Variants in CNTLN observed in about 807,000 individuals in gnomAD.
CNTLN encodes centlein, centrosomal protein.
A neutral mutation model predicts 180.0 loss-of-function variants in CNTLN; 212 were observed. The observed-to-expected ratio is 1.18, with a 90% CI of 1.05 to 1.32. The LOEUF (loss-of-function observed/expected upper bound fraction) is 1.32. CNTLN is among the 40% of genes most tolerant of loss of function. CNTLN has a pLI of 0.00. For missense variants in CNTLN, 2,095 were observed against 1,610.9 expected, an observed-to-expected ratio of 1.30 and a Z score of -5.14; for synonymous variants, 722 against 563.1, an observed-to-expected ratio of 1.28 and a Z score of -3.99.
At position 17,318,908 on chromosome 9, in the gene CNTLN, C is replaced by T. The variant is rs139066634; in HGVS notation, c.1341+9656C>T. On this transcript the variant is annotated intron_variant, in intron 8 of 25. Transcript: ENST00000380647. ...ACCTTCATTTATTCAGTTATGTAGG[C>T]AATATTTATTAAAATCCCATTGTAT... Among the ~76,000 whole-genome samples the T allele has an allele frequency of 2.4e-4, 37 of 152,112 alleles. 1 individual carries two copies. The East Asian group carries it at 6.8e-3, about 28-fold the overall frequency.
Position 17,394,958 on chromosome 9 carries a change from A to G in CNTLN, c.2504A>G (p.Lys835Arg). 6.2e-7 allele frequency: 1 copy of G among 1,614,102 alleles called. No homozygotes were observed. Among genetic ancestry groups the G allele is most frequent in the Non-Finnish European group, 8.5e-7 (1 of 1,179,966 alleles). ...AAGGTTAAATTTAAAGCTGCGAAGAAAAATTGCTCTGTGGGTCGTCACCAC... is the reference window on the plus strand; with the variant it reads ...AAGGTTAAATTTAAAGCTGCGAAGAGAAATTGCTCTGTGGGTCGTCACCAC... Reference protein sequence around the residue: ...MTKVKFKAAKKNCSVGRHHTV... With the variant: ...MTKVKFKAAKRNCSVGRHHTV... Residue 835 changes from lysine to arginine, a missense_variant, in exon 15 of 26, where the codon AAA becomes AGA. Transcript: ENST00000380647.
intron 18 of CNTLN, among the ~76,000 whole-genome samples, chr9:17,452,316 G>C (rs10963106): frequency 6.6e-6 from 1 of 152,164 alleles, no homozygotes; most frequent in Admixed American, 6.5e-5. Flanking sequence ...GATGTCCTCA[G>C]ACTGCCCCCA....
chr9:17,490,995 C>T (rs1021778685), intron 25 of CNTLN, among the ~76,000 whole-genome samples: 1 of 151,982 alleles, frequency 6.6e-6, no homozygotes, highest in African/African-American at 2.4e-5. Context: ...CCTTTATATT[C>T]TAATTGGTCT....
At chr9:17,325,637 T>C (rs1342542647) in intron 8 of CNTLN, among the ~76,000 whole-genome samples, 1 of 151,864 alleles carries the variant, frequency 6.6e-6, no homozygotes, top group Middle Eastern at 3.2e-3. Context: ...GAAAAAGTAT[T>C]TCTTTTGCTG....
chr9:17,158,522 G>A (rs1819457446), intron 2 of CNTLN, among the ~76,000 whole-genome samples: 1 of 151,760 alleles, frequency 6.6e-6, no homozygotes, highest in Non-Finnish European at 1.5e-5. Flanking sequence ...TTTCTTTGTG[G>A]GTAATTTTAT....
chr9:17,500,474 C>G (rs1019461351), intron 25 of CNTLN, among the ~76,000 whole-genome samples: 2 of 152,142 alleles, frequency 1.3e-5, no homozygotes, highest in East Asian at 3.9e-4. Flanking sequence ...GACATTATTA[C>G]ACAGGAAATG....
At chr9:17,152,644 G>T (rs868529931) in intron 2 of CNTLN, among the ~76,000 whole-genome samples, 7 of 152,158 alleles carry the variant, frequency 4.6e-5, no homozygotes, top group Admixed American at 6.5e-5. Context: ...CTGTTGATTT[G>T]GGGTAGAGAG....
the CNTLN span, among the ~76,000 whole-genome samples, chr9:17,515,033 T>C: frequency 6.6e-6 from 1 of 152,186 alleles, no homozygotes; most frequent in Non-Finnish European, 1.5e-5. Context: ...TGTTTTTATG[T>C]TTATTCCATT....
rs139481895 is a variant in CNTLN, at chr9:17,225,725, A to G, written c.450-478A>G. On this transcript the variant is annotated intron_variant, in intron 2 of 25. Transcript: ENST00000380647. ...TGCTTTGATTGTACAACTACCATTT[A>G]GTTTAGTTAATAGTATTCTCAGAGA... 5.2e-3 allele frequency among the ~76,000 whole-genome samples: 789 copies of G among 152,114 alleles called. 5 individuals carry two copies. The highest frequency in any genetic ancestry group is 0.018 in the African/African-American group (757 of 41,544).
intron 2 of CNTLN, among the ~76,000 whole-genome samples, 153 bp downstream of exon 2, chr9:17,143,529 T>C (rs1341429041): frequency 6.6e-6 from 1 of 152,226 alleles, no homozygotes; most frequent in Non-Finnish European, 1.5e-5. Context: ...GGATTTATTA[T>C]GAAGGGTGCC....
chr9:17,342,424 C>T lies in CNTLN; in HGVS notation c.1866C>T (p.Asn622=). 2 of 1,604,862 alleles carry T rather than the reference C, an allele frequency of 1.2e-6. No individual in the cohort carries two copies. Among genetic ancestry groups the T allele is most frequent in the South Asian group, 1.1e-5 (1 of 87,916 alleles). The part of the protein sequence containing the change: ...WNELAYFKRE[N]QELMIQKMNL... Reference sequence around the variant, plus strand: ...AACTGGCATATTTCAAAAGGGAAAACCAGGAGCTAATGATTCAAAAGTGAG... The same window carrying T: ...AACTGGCATATTTCAAAAGGGAAAATCAGGAGCTAATGATTCAAAAGTGAG... The change falls in exon 12 of 26, where the codon AAC becomes AAT. Residue 622 remains asparagine (N), a synonymous_variant. Coordinates refer to ENST00000380647, the MANE Select transcript of CNTLN (RefSeq NM_017738.4).
At chr9:17,397,800 T>C (rs538657706) in intron 15 of CNTLN, among the ~76,000 whole-genome samples, 1 of 152,294 alleles carries the variant, frequency 6.6e-6, no homozygotes, top group Admixed American at 6.5e-5. Flanking sequence ...TCTTAAAATA[T>C]AGGATTGTCA....
chr9:17,319,436 T>C (rs552147019), intron 8 of CNTLN, among the ~76,000 whole-genome samples: 177 of 152,160 alleles, frequency 1.2e-3, no homozygotes, highest in Non-Finnish European at 2.2e-3. Context: ...CGAGGGGAAA[T>C]GGTAGAAAGG....
chr9:17,260,215 G>C (rs919461933), intron 5 of CNTLN, among the ~76,000 whole-genome samples: 2 of 149,184 alleles, frequency 1.3e-5, no homozygotes, highest in South Asian at 4.3e-4. Flanking sequence ...CTTTATTTCT[G>C]CCTTCATTTC....
chr9:17,141,024 C>A (rs945915426), intron 1 of CNTLN, among the ~76,000 whole-genome samples: 7 of 152,086 alleles, frequency 4.6e-5, no homozygotes, highest in African/African-American at 1.7e-4. Context: ...TAAGCAGCAA[C>A]AGACTGGGAA....
chr9:17,505,284 T>C (rs1833911958), downstream of CNTLN, among the ~76,000 whole-genome samples: 1 of 152,048 alleles, frequency 6.6e-6, no homozygotes, highest in Non-Finnish European at 1.5e-5. Context: ...ATTTCAACTC[T>C]CACCACTCTC....
At chr9:17,151,864 C>T (rs112673862) in intron 2 of CNTLN, among the ~76,000 whole-genome samples, 6,080 of 152,070 alleles carry the variant, frequency 0.04, 168 homozygotes, top group East Asian at 0.17. Context: ...TTCCAGGATT[C>T]GATTTCTTCC....
At chr9:17,380,740 G>C (rs1049792763) in intron 13 of CNTLN, among the ~76,000 whole-genome samples, 2 of 152,168 alleles carry the variant, frequency 1.3e-5, no homozygotes, top group Admixed American at 1.3e-4. Flanking sequence ...GAGGGCTTGT[G>C]TATCAGACAA....
chr9:17,201,339 C>T (rs908321714), intron 2 of CNTLN, among the ~76,000 whole-genome samples: 1 of 152,172 alleles, frequency 6.6e-6, no homozygotes, highest in African/African-American at 2.4e-5. Context: ...CAGGATGATG[C>T]TGGCCTCATA....
Sources: allele counts gnomAD v4.1 joint callset (sites outside exome capture counted in the v4.1 genomes callset), GRCh38; gene constraint gnomAD v4.1.1; transcripts MANE v1.5; gene names NCBI Gene and HGNC (gene_info 2026-07-23, HGNC 2026-07-21).